Variants in CADM2 observed in about 807,000 individuals in gnomAD.
The protein encoded by CADM2 is immunoglobulin superfamily member 4D.
CADM2 carries 12 observed loss-of-function variants against 49.8 expected under a neutral mutation model. The observed-to-expected ratio is 0.24, with a 90% CI of 0.15 to 0.39. The LOEUF (loss-of-function observed/expected upper bound fraction) is 0.39, where lower values mean the gene tolerates loss of function less well. CADM2 is among the 10% of genes least tolerant of loss of function. CADM2 has a pLI of 1.00. For synonymous variants in CADM2, 214 were observed against 175.4 expected, an observed-to-expected ratio of 1.22 and a Z score of -1.74; for missense variants, 378 against 492.3, an observed-to-expected ratio of 0.77 and a Z score of 2.20.
chr3:85,224,223 A>G (rs2042102241), intron 1 of CADM2, among the ~76,000 whole-genome samples: 1 of 152,096 alleles, frequency 6.6e-6, no homozygotes, highest in African/African-American at 2.4e-5. Flanking sequence ...CCCGCCAACA[A>G]TGTAAAAGCA....
At chr3:85,851,141 G>A (rs899252873) in intron 3 of CADM2, among the ~76,000 whole-genome samples, 2 of 152,082 alleles carry the variant, frequency 1.3e-5, no homozygotes, top group Non-Finnish European at 2.9e-5. Flanking sequence ...CATTTTAATT[G>A]TGTAGTTTAA....
At chr3:85,701,782 A>G (rs1301054862) in intron 1 of CADM2, among the ~76,000 whole-genome samples, 1 of 152,130 alleles carries the variant, frequency 6.6e-6, no homozygotes, top group Non-Finnish European at 1.5e-5. Context: ...TACTTTCTTT[A>G]TGCATTTCCT....
intron 1 of CADM2, among the ~76,000 whole-genome samples, chr3:85,617,570 C>G (rs1288686645): frequency 6.6e-6 from 1 of 152,148 alleles, no homozygotes; most frequent in Non-Finnish European, 1.5e-5. Flanking sequence ...ATTATGTAGA[C>G]ATGATTGATT....
chr3:85,663,117 C>A (rs1444431794), intron 1 of CADM2, among the ~76,000 whole-genome samples: 2 of 152,046 alleles, frequency 1.3e-5, no homozygotes, highest in African/African-American at 4.8e-5. Context: ...CAGAGACCAG[C>A]TCTTACAAAG....
intron 1 of CADM2, among the ~76,000 whole-genome samples, chr3:85,617,233 G>A (rs2107473527): frequency 6.6e-6 from 1 of 152,204 alleles, no homozygotes; most frequent in Middle Eastern, 3.4e-3. Context: ...GGGAATTTCT[G>A]ACCAACTGGC....
intron 1 of CADM2, among the ~76,000 whole-genome samples, chr3:85,301,602 G>A (rs1177794691): frequency 6.6e-6 from 1 of 151,870 alleles, no homozygotes; most frequent in Non-Finnish European, 1.5e-5. Context: ...GTGGGTGGGG[G>A]GCTGACTTCA....
chr3:85,874,684 G>A (rs1711565633), intron 3 of CADM2, among the ~76,000 whole-genome samples: 1 of 151,954 alleles, frequency 6.6e-6, no homozygotes, highest in Non-Finnish European at 1.5e-5. Context: ...ATCAAATTGT[G>A]AACGCTATCA....
At chr3:85,867,078 A>C (rs955139862) in intron 3 of CADM2, among the ~76,000 whole-genome samples, 1 of 152,124 alleles carries the variant, frequency 6.6e-6, no homozygotes, top group Non-Finnish European at 1.5e-5. Flanking sequence ...CCTTATTATT[A>C]TTTTTAGGCA....
At chr3:85,329,477 G>A (rs2044852341) in intron 1 of CADM2, among the ~76,000 whole-genome samples, 2 of 151,998 alleles carry the variant, frequency 1.3e-5, no homozygotes, top group African/African-American at 4.8e-5. Flanking sequence ...GGCTGAGGCA[G>A]AAGAATTGCT....
rs953009438 is a variant in CADM2, at chr3:86,068,104, T to G, written c.*1321T>G. The G allele has an allele frequency of 6.6e-6, 1 of 152,476 alleles. No individual in the cohort carries two copies. Among genetic ancestry groups the G allele is most frequent in the African/African-American group, 2.4e-5 (1 of 41,460 alleles). The allele number at this position is 152,476 out of a possible 1,614,324, so 9.4% of individuals were successfully genotyped here. On this transcript the variant is annotated 3_prime_UTR_variant, in exon 10 of 10. Coordinates refer to ENST00000383699, the MANE Select transcript of CADM2 (RefSeq NM_001167675.2). ...AGATATGTTTTCTGTATAAATGAACTAATTCTTTATATTAAATTCCTGTCT... is the reference window on the plus strand; with the variant it reads ...AGATATGTTTTCTGTATAAATGAACGAATTCTTTATATTAAATTCCTGTCT...
At chr3:85,070,808 T>C (rs2036703494) in intron 1 of CADM2, among the ~76,000 whole-genome samples, 1 of 151,874 alleles carries the variant, frequency 6.6e-6, no homozygotes, top group Non-Finnish European at 1.5e-5. Flanking sequence ...CTGGCTAACA[T>C]GGTGAAATGT....
chr3:85,428,989 A>G (rs1216880968), intron 1 of CADM2, among the ~76,000 whole-genome samples: 2 of 151,988 alleles, frequency 1.3e-5, no homozygotes, highest in Non-Finnish European at 2.9e-5. Flanking sequence ...TAGACTTGGA[A>G]AAATATTCCT....
intron 1 of CADM2, among the ~76,000 whole-genome samples, chr3:85,325,407 T>G (rs968806412): frequency 6.6e-5 from 10 of 152,158 alleles, no homozygotes; most frequent in Non-Finnish European, 1.0e-4. Flanking sequence ...TATCAGTTAA[T>G]TACTTTTCTA....
At chr3:85,178,468 T>C (rs1276372155) in intron 1 of CADM2, among the ~76,000 whole-genome samples, 1 of 151,858 alleles carries the variant, frequency 6.6e-6, no homozygotes, top group African/African-American at 2.4e-5. Flanking sequence ...CCTATTAGTC[T>C]CAAAAAGTAC....
intron 1 of CADM2, among the ~76,000 whole-genome samples, chr3:85,473,201 G>A (rs1408496509): frequency 6.6e-6 from 1 of 151,946 alleles, no homozygotes; most frequent in Non-Finnish European, 1.5e-5. Context: ...GGAATTCATT[G>A]AAATGAATAA....
intron 5 of CADM2, among the ~76,000 whole-genome samples, chr3:85,898,948 TA>T (rs1217277891): frequency 1.4e-3 from 81 of 59,422 alleles, no homozygotes; most frequent in African/African-American, 5.1e-3. Flanking sequence ...TATATATATA[TA>T]TATATATTTT....
At chr3:85,833,038 C>A (rs1007148615) in intron 3 of CADM2, among the ~76,000 whole-genome samples, 22 of 151,830 alleles carry the variant, frequency 1.4e-4, no homozygotes, top group Non-Finnish European at 2.7e-4. Flanking sequence ...TTATCAAAAG[C>A]ATTTTCTGCA....
rs573181045 is a variant in CADM2 at position 85,659,114 on chromosome 3, C to T, written c.62-67408C>T. 7.2e-4 allele frequency among the ~76,000 whole-genome samples: 107 copies of T among 147,620 alleles called. 1 individual carries two copies. The highest frequency in any genetic ancestry group is 2.4e-3 in the African/African-American group (97 of 40,058). ...TAAATTTTTTAAAACTCTACTGAAG[C>T]CCTTTCTGAGGTTTAGTCCAAGCAC... is the stretch of plus-strand genomic sequence containing the variant. On this transcript the variant is annotated intron_variant, in intron 1 of 9. Transcript: ENST00000383699.
intron 1 of CADM2, among the ~76,000 whole-genome samples, chr3:85,327,605 A>G (rs2044791683): frequency 6.7e-6 from 1 of 149,388 alleles, no homozygotes; most frequent in African/African-American, 2.5e-5. Flanking sequence ...ACACACACAC[A>G]TAAACTATAT....
Sources: allele counts gnomAD v4.1 joint callset (sites outside exome capture counted in the v4.1 genomes callset), GRCh38; gene constraint gnomAD v4.1.1; transcripts MANE v1.5; gene names NCBI Gene and HGNC (gene_info 2026-07-23, HGNC 2026-07-21).